The following PCDHGA5 variants were observed in gnomAD, a reference collection of about 807,000 sequenced individuals.
PCDHGA5 encodes the protein protocadherin gamma-A5.
In PCDHGA5, 36 loss-of-function variants were observed where a neutral mutation model predicts 56.7. The observed-to-expected ratio is 0.64, with a 90% CI of 0.49 to 0.84. PCDHGA5 has a LOEUF of 0.84. Among genes scored for constraint, PCDHGA5 ranks in the 40% least tolerant of loss-of-function variants. PCDHGA5 has a pLI of 0.00. For synonymous variants in PCDHGA5, 563 were observed against 520.2 expected (o/e 1.08, Z -1.12); for missense variants, 1,305 against 1,201.5 (o/e 1.09, Z -1.27).
At chr5:141,384,331 G>T (rs376216978) in intron 1 of PCDHGA5, 21 of 1,613,846 alleles carry the variant, frequency 1.3e-5, no homozygotes, top group African/African-American at 2.7e-5. Context: ...GACTGCACAG[G>T]ACCACGACAG....
chr5:141,394,365 C>T (rs1451388519), intron 1 of PCDHGA5: 1 of 1,614,212 alleles, frequency 6.2e-7, no homozygotes, highest in South Asian at 1.1e-5. Context: ...GTATGCGCTG[C>T]AATCTTTCGA....
chr5:141,423,233 TC>T, intron 1 of PCDHGA5: 1 of 1,613,860 alleles, frequency 6.2e-7, no homozygotes, highest in Non-Finnish European at 8.5e-7. Flanking sequence ...GCCGACAGCA[TC>T]CCCGAAGTCC....
intron 1 of PCDHGA5, chr5:141,414,141 A>T (rs1162904324): frequency 1.3e-6 from 2 of 1,597,216 alleles, no homozygotes; most frequent in East Asian, 2.3e-5. Context: ...ATGAAATAGA[A>T]ATACAAGCAG....
At chr5:141,413,357 G>A (rs2095629700) in intron 1 of PCDHGA5, 2 of 1,613,874 alleles carry the variant, frequency 1.2e-6, no homozygotes, top group South Asian at 1.1e-5. Flanking sequence ...CTGGCGCCCC[G>A]GGAGCTGGCG....
intron 1 of PCDHGA5, among the ~76,000 whole-genome samples, chr5:141,484,627 A>G (rs866882607): frequency 5.3e-5 from 8 of 152,162 alleles, no homozygotes; most frequent in Middle Eastern, 3.4e-3. Flanking sequence ...TGGCTTGAAC[A>G]AAGTGACCAC....
At chr5:141,426,775 A>G (rs2096959432) in intron 1 of PCDHGA5, 1 of 456,496 alleles carries the variant, frequency 2.2e-6, no homozygotes, top group South Asian at 1.5e-5. Context: ...GTAGGGCCTC[A>G]CTCTCTCCAG....
intron 1 of PCDHGA5, among the ~76,000 whole-genome samples, chr5:141,453,993 A>T (rs2098779172): frequency 6.6e-6 from 1 of 152,234 alleles, no homozygotes; most frequent in African/African-American, 2.4e-5. Flanking sequence ...CCAGTGATAA[A>T]CCCACATAAC....
chr5:141,375,411 C>T lies in PCDHGA5; in HGVS notation c.2421+8660C>T, dbSNP rs73265852. Reference sequence around the variant, plus strand: ...GAAACAATCATCTCTCTAAATGTGGCAGACACCAACGACAACCCGCCCACC... The same window carrying T: ...GAAACAATCATCTCTCTAAATGTGGTAGACACCAACGACAACCCGCCCACC... On this transcript the variant is annotated intron_variant, in intron 1 of 3. Coordinates refer to ENST00000518069, the MANE Select transcript of PCDHGA5 (RefSeq NM_018918.3). 1.5e-3 allele frequency: 2,401 copies of T among 1,613,970 alleles called. 32 individuals are homozygous for T. In the African/African-American group the frequency reaches 0.028, roughly 19 times the overall value.
chr5:141,414,210 T>G (rs1252033650), intron 1 of PCDHGA5: 1 of 1,612,706 alleles, frequency 6.2e-7, no homozygotes, highest in Admixed American at 1.7e-5. Context: ...AAGATGTAAA[T>G]GACAACAGTC....
At position 141,486,002 on chromosome 5, in the gene PCDHGA5, G is replaced by A. The variant is rs372373315; in HGVS notation, c.2422-8805G>A. ...CCCGGACCTGGGTCCCAGTGGTAAC[G>A]TCACCTTTTATTTCAGTGGTCATAC... On this transcript the variant is annotated intron_variant, in intron 1 of 3. Coordinates refer to ENST00000518069, the MANE Select transcript of PCDHGA5 (RefSeq NM_018918.3). The surrounding 1 kb of genome is among the most constrained non-coding windows in gnomAD (Gnocchi z 5.0). 2.0e-5 allele frequency: 33 copies of A among 1,614,030 alleles called. No homozygotes were observed. The highest frequency in any genetic ancestry group is 2.8e-5 in the Non-Finnish European group (33 of 1,180,014).
At chr5:141,504,429 G>T (rs947508365) in intron 2 of PCDHGA5, among the ~76,000 whole-genome samples, 1 of 152,124 alleles carries the variant, frequency 6.6e-6, no homozygotes, top group Non-Finnish European at 1.5e-5. Context: ...CACTACAACA[G>T]CTGCAGTGTG....
intron 1 of PCDHGA5, among the ~76,000 whole-genome samples, chr5:141,464,454 A>G (rs999305559): frequency 6.6e-6 from 1 of 151,542 alleles, no homozygotes; most frequent in Non-Finnish European, 1.5e-5. Context: ...TGTTGTTGTT[A>G]TTTTTGAAGT....
At chr5:141,435,383 G>C (rs1057246190) in intron 1 of PCDHGA5, among the ~76,000 whole-genome samples, 4 of 151,898 alleles carry the variant, frequency 2.6e-5, no homozygotes, top group Admixed American at 2.0e-4. Flanking sequence ...ACAATATACC[G>C]TATTGCCATG....
chr5:141,395,437 G>A lies in PCDHGA5; in HGVS notation c.2421+28686G>A, dbSNP rs973609255. On this transcript the variant is annotated intron_variant, in intron 1 of 3. Coordinates refer to ENST00000518069, the MANE Select transcript of PCDHGA5 (RefSeq NM_018918.3). ...TGTTTCATTTGCTTTTAAACGACTT[G>A]GAAAAGATTGTTCAACCATTTTAAG... 5.2e-5 allele frequency: 35 copies of A among 668,254 alleles called. No homozygotes were observed. The African/African-American group carries it at 6.1e-4, about 12-fold the overall frequency. 41.4% of individuals were successfully genotyped at this position (668,254 alleles called of 1,614,324 possible).
chr5:141,490,618 A>G lies in PCDHGA5; in HGVS notation c.2422-4189A>G, dbSNP rs1463273520. On this transcript the variant is annotated intron_variant, in intron 1 of 3. Transcript: ENST00000518069. The surrounding 1 kb of genome is among the most constrained non-coding windows in gnomAD (Gnocchi z 5.4). ...ACCCCGCTTCAACCAGCAGCTTTAC[A>G]CTGCTTACATCCTAGAAAACCGGCC... 4.3e-6 allele frequency: 7 copies of G among 1,613,986 alleles called. No homozygotes were observed. Among genetic ancestry groups the G allele is most frequent in the Admixed American group, 1.7e-5 (1 of 59,996 alleles).
At chr5:141,445,768 T>A (rs2098476928) in intron 1 of PCDHGA5, among the ~76,000 whole-genome samples, 1 of 152,074 alleles carries the variant, frequency 6.6e-6, no homozygotes, top group Admixed American at 6.6e-5. Context: ...CTCAAGCAAT[T>A]TAAAAGGGCT....
Position 141,477,187 on chromosome 5 carries a change from G to A in PCDHGA5, c.2422-17620G>A, listed in dbSNP as rs2154575648. ...CCCCGGAGATCACAGTCACCTCCGT[G>A]TACAGCCCAGTACCCGAGGATGCCC... On this transcript the variant is annotated intron_variant, in intron 1 of 3. Coordinates refer to ENST00000518069, the MANE Select transcript of PCDHGA5 (RefSeq NM_018918.3). The surrounding 1 kb of genome is among the most constrained non-coding windows in gnomAD (Gnocchi z 4.9). The A allele has an allele frequency of 6.2e-7, 1 of 1,614,190 alleles. No individual in the cohort carries two copies. The highest frequency in any genetic ancestry group is 2.2e-5 in the East Asian group (1 of 44,874).
At chr5:141,419,826 C>T in intron 1 of PCDHGA5, 1 of 1,614,066 alleles carries the variant, frequency 6.2e-7, no homozygotes, top group Non-Finnish European at 8.5e-7. Flanking sequence ...CCCCTTTCAG[C>T]CACTGCCACG....
chr5:141,419,177 C>T (rs1223789288), intron 1 of PCDHGA5: 8 of 1,613,862 alleles, frequency 5.0e-6, no homozygotes, highest in Admixed American at 1.7e-5. Flanking sequence ...AACCATAACC[C>T]TGCACATTAC....
Sources: gnomAD v4.1 joint callset for allele counts (sites outside exome capture counted in the v4.1 genomes callset) on GRCh38, gnomAD v4.1.1 for gene constraint, Gnocchi (gnomAD v3.1) non-coding constraint, MANE v1.5 for transcripts, NCBI Gene and HGNC (gene_info 2026-07-23, HGNC 2026-07-21) for gene names.